TAFA2: variants seen among roughly 807,000 people sequenced by gnomAD.
TAFA2 encodes chemokine-like protein TAFA-2.
TAFA2 carries 7 observed loss-of-function variants against 18.8 expected under a neutral mutation model. The ratio of observed to expected loss-of-function variants is 0.37; its 90% CI spans 0.21 to 0.70. The LOEUF (loss-of-function observed/expected upper bound fraction) is 0.70, where lower values mean the gene tolerates loss of function less well. Among genes scored for constraint, TAFA2 ranks in the 30% least tolerant of loss-of-function variants. The probability of loss-of-function intolerance (pLI) is 0.53; values close to 1 mark genes in which losing one functional copy is unlikely to be tolerated. For missense variants in TAFA2, 122 were observed against 158.1 expected (o/e 0.77, Z 1.23); for synonymous variants, 60 against 54.2 (o/e 1.11, Z -0.47).
At chr12:61,941,622 G>A (rs549493439) in intron 1 of TAFA2, among the ~76,000 whole-genome samples, 257 of 152,322 alleles carry the variant, frequency 1.7e-3, no homozygotes, top group African/African-American at 6.0e-3. Flanking sequence ...GAAGCAGGGC[G>A]AGGCATTGCC....
chr12:61,997,222 C>T (rs959917560), intron 1 of TAFA2, among the ~76,000 whole-genome samples: 12 of 136,302 alleles, frequency 8.8e-5, no homozygotes, highest in African/African-American at 2.9e-4. Context: ...ATTAAGTGGT[C>T]GTAAGTGCAA....
chr12:61,986,456 A>G (rs996991904), intron 1 of TAFA2, among the ~76,000 whole-genome samples: 2 of 151,642 alleles, frequency 1.3e-5, no homozygotes, highest in Non-Finnish European at 2.9e-5. Context: ...GCACCACCAC[A>G]CCCAGCTAAT....
upstream of TAFA2, among the ~76,000 whole-genome samples, chr12:62,195,676 A>C (rs917721831): frequency 7.9e-5 from 12 of 152,228 alleles, no homozygotes; most frequent in African/African-American, 2.9e-4. Context: ...AGCTCTCAAC[A>C]GTAGGCTTAA....
intron 1 of TAFA2, among the ~76,000 whole-genome samples, chr12:61,869,747 C>A (rs890832208): frequency 6.6e-6 from 1 of 152,100 alleles, no homozygotes; most frequent in Non-Finnish European, 1.5e-5. Flanking sequence ...TTAAATCTTC[C>A]GTTCTATTGC....
At chr12:61,861,702 GC>G (rs1299045457) in intron 2 of TAFA2, among the ~76,000 whole-genome samples, 3 of 152,074 alleles carry the variant, frequency 2.0e-5, no homozygotes, top group Non-Finnish European at 4.4e-5. Context: ...AAAATTTATG[GC>G]TATGTCTCCC....
intron 1 of TAFA2, among the ~76,000 whole-genome samples, chr12:62,090,251 G>T (rs1592329051): frequency 6.6e-6 from 1 of 151,976 alleles, no homozygotes; most frequent in East Asian, 1.9e-4. Context: ...TCAATTAATG[G>T]ACTGAATTGA....
chr12:61,744,434 G>GAT (rs1868602499), intron 4 of TAFA2, among the ~76,000 whole-genome samples: 1 of 152,026 alleles, frequency 6.6e-6, no homozygotes, highest in Non-Finnish European at 1.5e-5. Context: ...AGAGCCGGAT[G>GAT]ATATATTTTT....
intron 1 of TAFA2, among the ~76,000 whole-genome samples, chr12:62,181,175 C>T (rs2062549546): frequency 3.3e-5 from 5 of 152,104 alleles, no homozygotes; most frequent in Admixed American, 3.3e-4. Context: ...CTCACATACA[C>T]ACACGCGTGT....
intron 1 of TAFA2, among the ~76,000 whole-genome samples, chr12:62,219,525 T>G (rs2062751613): frequency 6.6e-6 from 1 of 152,144 alleles, no homozygotes; most frequent in South Asian, 2.1e-4. Flanking sequence ...AAAAGTTAAT[T>G]TTAATAGAAA....
intron 1 of TAFA2, among the ~76,000 whole-genome samples, chr12:61,885,565 T>C (rs1875337448): frequency 6.6e-6 from 1 of 152,216 alleles, no homozygotes; most frequent in Non-Finnish European, 1.5e-5. Context: ...GTGGACCATC[T>C]GGGGAGCATG....
intron 4 of TAFA2, among the ~76,000 whole-genome samples, chr12:61,727,143 A>G (rs780114999): frequency 3.9e-5 from 6 of 151,998 alleles, no homozygotes; most frequent in Non-Finnish European, 7.4e-5. Flanking sequence ...TAATTTATTG[A>G]GAATTTTTGC....
intron 1 of TAFA2, among the ~76,000 whole-genome samples, chr12:62,249,289 A>G (rs963444018): frequency 2.0e-5 from 3 of 147,964 alleles, no homozygotes; most frequent in Admixed American, 1.3e-4. Flanking sequence ...AAAAAAAAAA[A>G]GGAAAAAGAC....
At position 62,164,714 on chromosome 12, in the gene TAFA2, G is replaced by T. The variant is rs146210756; in HGVS notation, c.-2+26545C>A. On this transcript the variant is annotated intron_variant, in intron 1 of 4. Transcript: ENST00000416284. ...TGGAAACATTTTCAGACATAATCTT[G>T]GTTAATTCAGAGTAGTTTCTAATTG... 1.5e-3 allele frequency among the ~76,000 whole-genome samples: 225 copies of T among 152,194 alleles called. 1 individual carries two copies. Among genetic ancestry groups the T allele is most frequent in the African/African-American group, 5.2e-3 (218 of 41,548 alleles).
intron 2 of TAFA2, among the ~76,000 whole-genome samples, chr12:61,860,592 CCTCTTTG>C (rs1225832863): frequency 1.3e-5 from 2 of 149,878 alleles, no homozygotes; most frequent in East Asian, 2.0e-4. Flanking sequence ...GCATCACCAT[CCTCTTTG>C]CTCTTTGCTC....
intron 2 of TAFA2, among the ~76,000 whole-genome samples, chr12:61,762,093 A>G (rs11174163): frequency 0.063 from 9,588 of 152,134 alleles, 1,012 homozygotes; most frequent in African/African-American, 0.22. Context: ...CCTAGCAGGT[A>G]GCCAGCATCA....
At chr12:61,965,236 G>T (rs1036576175) in intron 1 of TAFA2, among the ~76,000 whole-genome samples, 5 of 151,684 alleles carry the variant, frequency 3.3e-5, no homozygotes, top group African/African-American at 4.8e-5. Context: ...GAGGCCCAGA[G>T]GAACTTGTTT....
intron 1 of TAFA2, among the ~76,000 whole-genome samples, chr12:61,883,148 T>C (rs891008733): frequency 2.0e-5 from 3 of 152,186 alleles, no homozygotes; most frequent in African/African-American, 7.2e-5. Flanking sequence ...ATTTTTAATT[T>C]GGGGTTTGAT....
intron 1 of TAFA2, among the ~76,000 whole-genome samples, chr12:62,077,753 C>T (rs1868260812): frequency 6.6e-6 from 1 of 152,108 alleles, no homozygotes; most frequent in African/African-American, 2.4e-5. Context: ...ATGCCATGTA[C>T]TCTCACAAGA....
chr12:61,987,318 G>A (rs1407958904), intron 1 of TAFA2, among the ~76,000 whole-genome samples: 1 of 152,162 alleles, frequency 6.6e-6, no homozygotes, highest in African/African-American at 2.4e-5. Context: ...CTGTTAGAAT[G>A]AGTGCTATGT....
Sources: gnomAD v4.1 joint callset for allele counts (sites outside exome capture counted in the v4.1 genomes callset) on GRCh38, gnomAD v4.1.1 for gene constraint, MANE v1.5 for transcripts, NCBI Gene and HGNC (gene_info 2026-07-23, HGNC 2026-07-21) for gene names.